The following TMEM64 variants were observed in gnomAD, a reference collection of about 807,000 sequenced individuals.
TMEM64 encodes the protein transmembrane protein 64.
In TMEM64, 19 loss-of-function variants were observed where a neutral mutation model predicts 24.5. That is an observed-to-expected ratio of 0.78 (90% CI 0.54 to 1.14). The LOEUF is 1.14. Ranked by LOEUF, TMEM64 falls within the 50% of genes most tolerant of loss-of-function variation. TMEM64 has a pLI of 0.00. For missense variants in TMEM64, 487 were observed against 493.0 expected (o/e 0.99, Z 0.12); for synonymous variants, 262 against 224.7 (o/e 1.17, Z -1.49).
chr8:90,645,868 G>A lies in TMEM64; in HGVS notation c.38C>T (p.Pro13Leu). Reference protein sequence around the residue: ...SPGGILLQALPRLLQHAALPG... With the variant: ...SPGGILLQALLRLLQHAALPG... The stretch of plus-strand genomic sequence containing the variant: ...GAGGGCGGCGTGCTGCAGCAGCCGG[G>A]GCAGCGCCTGGAGCAGGATCCCGCC... The change falls in exon 1 of 3, where the codon CCC (proline) becomes CTC (leucine). Residue 13 changes from proline to leucine, a missense_variant. Physicochemically the swap from Pro to Leu is moderately conservative, Grantham distance 98. Transcript: ENST00000458549. This position sits in a 1 kb window ranked among gnomAD's most constrained non-coding sequence, Gnocchi z 4.2. 7.9e-6 allele frequency: 9 copies of A among 1,137,458 alleles called. No homozygotes were observed. Among genetic ancestry groups the A allele is most frequent in the African/African-American group, 1.6e-5 (1 of 60,980 alleles). 70.5% of individuals were successfully genotyped at this position (1,137,458 alleles called of 1,614,324 possible).
chr8:90,637,935 C>T (rs1348897155), intron 1 of TMEM64, among the ~76,000 whole-genome samples: 3 of 152,136 alleles, frequency 2.0e-5, no homozygotes, highest in Admixed American at 6.6e-5. Context: ...TCTCAGCGGC[C>T]CTAGCTGGAG....
At chr8:90,638,605 T>C (rs948655342) in intron 1 of TMEM64, among the ~76,000 whole-genome samples, 1 of 152,188 alleles carries the variant, frequency 6.6e-6, no homozygotes, top group African/African-American at 2.4e-5. Flanking sequence ...TTGGTCCTCA[T>C]TGTGTCCCTA....
intron 2 of TMEM64, among the ~76,000 whole-genome samples, chr8:90,631,164 A>G (rs1441229273): frequency 1.3e-5 from 2 of 152,228 alleles, no homozygotes; most frequent in East Asian, 1.9e-4. Flanking sequence ...GGTGAGTTTC[A>G]ATAATTTGAA....
At chr8:90,636,294 T>C (rs1266163748) in intron 1 of TMEM64, among the ~76,000 whole-genome samples, 3 of 152,192 alleles carry the variant, frequency 2.0e-5, no homozygotes, top group Non-Finnish European at 4.4e-5. Context: ...CTCACTCTGT[T>C]GCCCAGGCTA....
In TMEM64 at chr8:90,645,557, T is replaced by C. The variant is rs1331481814; in HGVS notation, c.349A>G (p.Thr117Ala). The C allele has an allele frequency of 6.5e-7, 1 of 1,546,514 alleles. No individual in the cohort carries two copies. Among genetic ancestry groups the C allele is most frequent in the African/African-American group, 1.4e-5 (1 of 73,118 alleles). The change falls in exon 1 of 3, where the codon ACC becomes GCC. Residue 117 changes from threonine (T) to alanine (A), a missense_variant. By Grantham distance (58) the Thr-to-Ala change is moderately conservative. Around this residue, in one of 3 missense-constraint regions of TMEM64, gnomAD observed 419 missense variants for 407.5 expected, o/e 1.03. Transcript: ENST00000458549. The surrounding 1 kb of genome is among the most constrained non-coding windows in gnomAD (Gnocchi z 4.2). ...RNWRCCCLGS[T>A]CWCRSLVLVC... is the part of the protein sequence containing the mutation. ...AGCACGAGGCTCCGGCACCAACAGG[T>C]GCTGCCGAGGCAGCAGCAGCGCCAG... is the stretch of plus-strand genomic sequence containing the variant.
chr8:90,631,698 G>C lies in TMEM64; in HGVS notation c.805C>G (p.Leu269Val), dbSNP rs754711830. The change falls in exon 2 of 3, where the codon CTC becomes GTC. Residue 269 changes from leucine (L) to valine (V), a missense_variant. By Grantham distance (32) the Leu-to-Val change is conservative. Around this residue, in one of 3 missense-constraint regions of TMEM64, gnomAD observed 419 missense variants for 407.5 expected, o/e 1.03. Coordinates refer to ENST00000458549, the MANE Select transcript of TMEM64 (RefSeq NM_001008495.4). ...LQNAVFSITD[L>V]SLPNYLMASS... is the part of the protein sequence containing the mutation. ...GCCATCAGATAGTTGGGTAATGAGA[G>C]ATCAGTAATCTAGAAGAGTAGATTA... 6 of 1,611,806 alleles carry C rather than the reference G, an allele frequency of 3.7e-6. No individual in the cohort carries two copies. In the Admixed American group the frequency reaches 1.0e-4, roughly 27 times the overall value.
chr8:90,625,880 A>G lies in TMEM64; in HGVS notation c.952-18T>C. On this transcript the variant is annotated intron_variant, in intron 2 of 2. Transcript: ENST00000458549. ...ATAATAATCTGTGAATAAAAATAAA[A>G]CATTACAGTTATCAATATTTTATAC... The G allele has an allele frequency of 6.6e-7, 1 of 1,518,154 alleles. No homozygotes were observed. The highest frequency in any genetic ancestry group is 1.2e-5 in the South Asian group (1 of 83,012). 94.0% of individuals were successfully genotyped at this position (1,518,154 alleles called of 1,614,324 possible). A position where few individuals can be genotyped will look rare whatever the true frequency, so the allele number is the denominator to read the frequency against.
At chr8:90,644,743 C>G (rs775552799) in intron 1 of TMEM64, among the ~76,000 whole-genome samples, 1 of 152,180 alleles carries the variant, frequency 6.6e-6, no homozygotes, top group African/African-American at 2.4e-5. Flanking sequence ...TTTATGTAAG[C>G]AAGAGAGAAA....
At position 90,645,461 on chromosome 8, in the gene TMEM64, G is replaced by C. The variant is rs776607007; in HGVS notation, c.445C>G (p.Leu149Val). 3 of 1,551,534 alleles carry C rather than the reference G, an allele frequency of 1.9e-6. No individual in the cohort carries two copies. In the Admixed American group the frequency reaches 5.9e-5, roughly 30 times the overall value. ...LVRRYLHHLL[L>V]WVESLDSLLG... The stretch of plus-strand genomic sequence containing the variant: ...AGCGAGTCAAGGCTCTCCACCCACA[G>C]CAGGAGGTGGTGAAGGTAGCGGCGG... The change falls in exon 1 of 3, where the codon CTG becomes GTG. Residue 149 changes from leucine (L) to valine (V), a missense_variant. Coordinates refer to ENST00000458549, the MANE Select transcript of TMEM64 (RefSeq NM_001008495.4). The surrounding 1 kb of genome is among the most constrained non-coding windows in gnomAD (Gnocchi z 4.2).
intron 1 of TMEM64, among the ~76,000 whole-genome samples, chr8:90,637,242 T>C (rs1330620925): frequency 2.6e-5 from 4 of 152,166 alleles, no homozygotes; most frequent in South Asian, 4.2e-4. Context: ...GAAGCTGGGG[T>C]TGTGGTCGGT....
intron 1 of TMEM64, among the ~76,000 whole-genome samples, chr8:90,644,335 T>C (rs944637613): frequency 1.3e-5 from 2 of 152,238 alleles, no homozygotes; most frequent in Non-Finnish European, 2.9e-5. Context: ...TAAGATGATC[T>C]CTTCACTAGC....
chr8:90,645,934 G>T lies in TMEM64; in HGVS notation c.-29C>A. On this transcript the variant is annotated 5_prime_UTR_variant, in exon 1 of 3. Transcript: ENST00000458549. The surrounding 1 kb of genome is among the most constrained non-coding windows in gnomAD (Gnocchi z 4.2). ...TCGGCCCAGCGCGGGCCCTCAGCCG[G>T]CCAGCCCCTCCGCCGCGGCGCCCGT... The T allele has an allele frequency of 8.9e-7, 1 of 1,121,836 alleles. No homozygotes were observed. Among genetic ancestry groups the T allele is most frequent in the Non-Finnish European group, 1.1e-6 (1 of 914,538 alleles). The allele number at this position is 1,121,836 out of a possible 1,614,324, so 69.5% of individuals were successfully genotyped here. A position where few individuals can be genotyped will look rare whatever the true frequency, so the allele number is the denominator to read the frequency against.
At chr8:90,642,096 C>G (rs1809612225) in intron 1 of TMEM64, among the ~76,000 whole-genome samples, 1 of 152,208 alleles carries the variant, frequency 6.6e-6, no homozygotes, top group Non-Finnish European at 1.5e-5. Context: ...TTATCCTTTA[C>G]AATCAGCTCC....
At chr8:90,631,257 A>T (rs1809432878) in intron 2 of TMEM64, among the ~76,000 whole-genome samples, 1 of 152,198 alleles carries the variant, frequency 6.6e-6, no homozygotes, top group African/African-American at 2.4e-5. Flanking sequence ...AAAATACAGT[A>T]TTTGATTTGT....
Position 90,624,681 on chromosome 8 carries a change from C to A in TMEM64, c.*990G>T, listed in dbSNP as rs1809328471. 1 of 152,306 alleles carries A rather than the reference C, an allele frequency of 6.6e-6. No homozygotes were observed. Among genetic ancestry groups the A allele is most frequent in the Non-Finnish European group, 1.5e-5 (1 of 67,898 alleles). 9.4% of individuals were successfully genotyped at this position (152,306 alleles called of 1,614,324 possible). On this transcript the variant is annotated 3_prime_UTR_variant, in exon 3 of 3. Coordinates refer to ENST00000458549, the MANE Select transcript of TMEM64 (RefSeq NM_001008495.4). ...GTTTTAAAGCTGAAGACTATGGGAACAATATATATGTACTTCATGAAATTA... is the reference window on the plus strand; with the variant it reads ...GTTTTAAAGCTGAAGACTATGGGAAAAATATATATGTACTTCATGAAATTA...
Position 90,646,043 on chromosome 8 carries a change from G to C in TMEM64, c.-138C>G, listed in dbSNP as rs189604415. The C allele has an allele frequency of 6.3e-6, 2 of 316,300 alleles. No individual in the cohort carries two copies. Among genetic ancestry groups the C allele is most frequent in the Admixed American group, 1.2e-4 (2 of 16,674 alleles). The allele number at this position is 316,300 out of a possible 1,614,324, so 19.6% of individuals were successfully genotyped here. A position where few individuals can be genotyped will look rare whatever the true frequency, so the allele number is the denominator to read the frequency against. ...AGAGGGTGGGAGACGGCCCGTAGAA[G>C]GGCGCGGAGTCAGCGGAGGAGCGAC... On this transcript the variant is annotated 5_prime_UTR_variant, in exon 1 of 3. Transcript: ENST00000458549.
intron 1 of TMEM64, among the ~76,000 whole-genome samples, chr8:90,639,304 T>C (rs1809567455): frequency 1.3e-5 from 2 of 152,116 alleles, no homozygotes. Context: ...GAACTGCTTT[T>C]AATGGTTCCC....
chr8:90,636,037 A>G (rs560917216), intron 1 of TMEM64, among the ~76,000 whole-genome samples: 145 of 152,370 alleles, frequency 9.5e-4, no homozygotes, highest in South Asian at 6.2e-4. Context: ...TAAACTGCAT[A>G]AACTGAAGTT....
At chr8:90,631,897 ATAAAAG>A (rs1313737774) in intron 1 of TMEM64, among the ~76,000 whole-genome samples, 190 bp from the exon 2 acceptor site, 3 of 152,268 alleles carry the variant, frequency 2.0e-5, no homozygotes, top group Non-Finnish European at 2.9e-5. Flanking sequence ...TTAGAATGAA[ATAAAAG>A]TAAATTTTAA....
Sources: gnomAD v4.1 joint callset for allele counts (sites outside exome capture counted in the v4.1 genomes callset) on GRCh38, gnomAD v4.1.1 for gene constraint, gnomAD v4.1.1 regional missense constraint, Gnocchi (gnomAD v3.1) non-coding constraint, MANE v1.5 for transcripts, NCBI Gene and HGNC (gene_info 2026-07-23, HGNC 2026-07-21) for gene names.